The following RANBP10 variants were observed in gnomAD, a reference collection of about 807,000 sequenced individuals.
RANBP10 encodes the protein ran-binding protein 10.
Under a neutral mutation model 72.8 loss-of-function variants are expected in RANBP10, and 24 were observed. The observed-to-expected ratio is 0.33, with a 90% CI of 0.24 to 0.46. The LOEUF (loss-of-function observed/expected upper bound fraction) is 0.46. RANBP10 is among the 20% of genes least tolerant of loss of function. The pLI is 1.00. For missense variants in RANBP10, 679 were observed against 817.5 expected (o/e 0.83, Z 2.07); for synonymous variants, 310 against 322.3 (o/e 0.96, Z 0.41).
At chr16:67,733,232 G>T (rs987185793) in intron 6 of RANBP10, among the ~76,000 whole-genome samples, 1 of 151,800 alleles carries the variant, frequency 6.6e-6, no homozygotes, top group African/African-American at 2.4e-5. Flanking sequence ...CAGGTGTGGT[G>T]GTGCATGCCT....
chr16:67,806,471 G>A lies in RANBP10; in HGVS notation c.66C>T (p.Gly22=), dbSNP rs763086233. ...CAGGGGACGGCAGCCCGCCCCCAGC[G>A]CCCCCGCCGGAGGAGTCCCCAGGCT... is the stretch of plus-strand genomic sequence containing the variant. ...NPQPGDSSGG[G]AGGGLPSPGE... is the part of the protein sequence containing the mutation. The change falls in exon 1 of 14, where the codon GGC becomes GGT. Residue 22 remains glycine (G), a synonymous_variant. Coordinates refer to ENST00000317506, the MANE Select transcript of RANBP10 (RefSeq NM_020850.3). The A allele has an allele frequency of 2.4e-5, 37 of 1,553,184 alleles. 1 individual carries two copies. Among genetic ancestry groups the A allele is most frequent in the South Asian group, 2.3e-5 (2 of 85,964 alleles).
At chr16:67,764,538 A>T (rs1318973921) in intron 3 of RANBP10, among the ~76,000 whole-genome samples, 4 of 152,334 alleles carry the variant, frequency 2.6e-5, no homozygotes, top group African/African-American at 9.6e-5. Flanking sequence ...GGAACACTCT[A>T]GAGGCACACT....
chr16:67,782,613 C>A (rs2054833469), intron 2 of RANBP10, among the ~76,000 whole-genome samples: 2 of 151,788 alleles, frequency 1.3e-5, no homozygotes, highest in Non-Finnish European at 2.9e-5. Context: ...CTACCACACC[C>A]AGCTAATTTT....
intron 11 of RANBP10, 79 bp from the exon 12 acceptor site, chr16:67,727,975 C>A: frequency 6.6e-7 from 1 of 1,507,424 alleles, no homozygotes. Flanking sequence ...CAGGAAGGAC[C>A]CCGGGTGGGC....
At chr16:67,742,130 G>A (rs936494577) in intron 4 of RANBP10, among the ~76,000 whole-genome samples, 6 of 149,170 alleles carry the variant, frequency 4.0e-5, no homozygotes, top group African/African-American at 7.5e-5. Context: ...GGCTCATCTC[G>A]AACTCCTGGG....
In RANBP10 at chr16:67,725,091, T is replaced by G. The variant is rs554616737; in HGVS notation, c.*1337A>C. 6.5e-6 allele frequency: 1 copy of G among 152,782 alleles called. No homozygotes were observed. The highest frequency in any genetic ancestry group is 1.9e-4 in the East Asian group (1 of 5,186). 9.5% of individuals were successfully genotyped at this position (152,782 alleles called of 1,614,324 possible). ...ACTTTTACTCTGCCAGCTGTAAGGATCTATCTGAAACAGCTGGTGGGACAT... is the reference window on the plus strand; with the variant it reads ...ACTTTTACTCTGCCAGCTGTAAGGAGCTATCTGAAACAGCTGGTGGGACAT... On this transcript the variant is annotated 3_prime_UTR_variant, in exon 14 of 14. Coordinates refer to ENST00000317506, the MANE Select transcript of RANBP10 (RefSeq NM_020850.3).
intron 7 of RANBP10, 195 bp downstream of exon 7, chr16:67,731,277 G>A (rs2053724730): frequency 2.2e-5 from 12 of 544,650 alleles, no homozygotes; most frequent in African/African-American, 3.8e-5. Flanking sequence ...GCCCTGAGAC[G>A]TCTCCATCCT....
At position 67,806,373 on chromosome 16, in the gene RANBP10, C is replaced by A; in HGVS notation, c.164G>T (p.Arg55Leu). The A allele has an allele frequency of 6.2e-7, 1 of 1,612,878 alleles. No individual in the cohort carries two copies. Among genetic ancestry groups the A allele is most frequent in the Non-Finnish European group, 8.5e-7 (1 of 1,179,508 alleles). ...AVNQQETPLP[R>L]SWSPKDKYNY... is the part of the protein sequence containing the mutation. ...GTATTTGTCCTTGGGGCTCCAGGAG[C>A]GCGGCAGCGGAGTCTCTTGCTGGTT... Residue 55 changes from arginine to leucine, a missense_variant, in exon 1 of 14, where the codon CGC (arginine) becomes CTC (leucine). Transcript: ENST00000317506.
chr16:67,796,170 C>T (rs1289319063), intron 2 of RANBP10, among the ~76,000 whole-genome samples: 1 of 152,088 alleles, frequency 6.6e-6, no homozygotes, highest in Non-Finnish European at 1.5e-5. Flanking sequence ...CCTGCCTCGG[C>T]CTCCCAAAGC....
At chr16:67,778,737 A>G (rs1007940982) in intron 2 of RANBP10, among the ~76,000 whole-genome samples, 4 of 152,158 alleles carry the variant, frequency 2.6e-5, no homozygotes, top group African/African-American at 4.8e-5. Flanking sequence ...GAAGGTGTAC[A>G]TGTGGCCAGC....
chr16:67,802,427 CA>C (rs1456384905), intron 2 of RANBP10, among the ~76,000 whole-genome samples: 1 of 152,204 alleles, frequency 6.6e-6, no homozygotes, highest in African/African-American at 2.4e-5. Flanking sequence ...CACCTGAGGT[CA>C]GGAGTTCGAA....
intron 2 of RANBP10, among the ~76,000 whole-genome samples, chr16:67,773,666 G>A (rs1158410264): frequency 6.6e-6 from 1 of 152,190 alleles, no homozygotes; most frequent in African/African-American, 2.4e-5. Context: ...CCCAGCATAT[G>A]GCCCTGATAA....
chr16:67,772,477 GT>G (rs1270474403), intron 2 of RANBP10, among the ~76,000 whole-genome samples: 1 of 152,164 alleles, frequency 6.6e-6, no homozygotes, highest in Admixed American at 6.5e-5. Flanking sequence ...ATGCACGATT[GT>G]TCCACAGGGA....
rs61683439 is a variant in RANBP10, at chr16:67,785,731, C to CAAAAAAAAAAAAAAAAAAAAAAAAAAA, written c.348-13646_348-13645insTTTTTTTTTTTTTTTTTTTTTTTTTTT. Among the ~76,000 whole-genome samples, 95 of 71,710 alleles carry CAAAAAAAAAAAAAAAAAAAAAAAAAAA rather than the reference C, an allele frequency of 1.3e-3. 9 individuals carry two copies. Among genetic ancestry groups the CAAAAAAAAAAAAAAAAAAAAAAAAAAA allele is most frequent in the African/African-American group, 1.6e-3 (24 of 14,584 alleles). The allele number at this position is 71,710 out of a possible 152,430, so 47.0% of individuals were successfully genotyped here. On this transcript the variant is annotated intron_variant, in intron 2 of 13. Transcript: ENST00000317506. ...AAACAGAGTGAGTGAGACTCCATCT[C>CAAAAAAAAAAAAAAAAAAAAAAAAAAA]AAAAAAAAAAAAAAAGCCAGGCACA...
chr16:67,732,445 G>GT (rs1332750121), intron 6 of RANBP10, among the ~76,000 whole-genome samples: 1 of 152,174 alleles, frequency 6.6e-6, no homozygotes, highest in East Asian at 1.9e-4. Flanking sequence ...TGTCATTACT[G>GT]TAACTCTAAA....
In RANBP10 at chr16:67,772,200, T is replaced by C; in HGVS notation, c.348-114A>G. ...AGAAAAATGAGAAAAGCAATGAATG[T>C]AGAGGCTCTTATAACATACTAATGG... is the stretch of plus-strand genomic sequence containing the variant. On this transcript the variant is annotated intron_variant, in intron 2 of 13. Transcript: ENST00000317506. The C allele has an allele frequency of 7.1e-6, 8 of 1,125,216 alleles. No individual in the cohort carries two copies. In the Admixed American group the frequency reaches 7.4e-5, roughly 10 times the overall value. 69.7% of individuals were successfully genotyped at this position (1,125,216 alleles called of 1,614,324 possible).
chr16:67,797,752 A>C (rs1241054254), intron 2 of RANBP10, among the ~76,000 whole-genome samples: 1 of 152,104 alleles, frequency 6.6e-6, no homozygotes. Context: ...CGGAGGTTGC[A>C]GTGAGCCGAG....
At chr16:67,773,648 G>A (rs2054646462) in intron 2 of RANBP10, among the ~76,000 whole-genome samples, 1 of 152,152 alleles carries the variant, frequency 6.6e-6, no homozygotes, top group Admixed American at 6.6e-5. Flanking sequence ...AACAAGGAAA[G>A]GAAACAACCC....
chr16:67,804,475 CACT>C (rs2055296111), intron 2 of RANBP10, among the ~76,000 whole-genome samples: 1 of 151,870 alleles, frequency 6.6e-6, no homozygotes, highest in Non-Finnish European at 1.5e-5. Context: ...AATCTCAGCT[CACT>C]ACAACCTCCA....
Sources: gnomAD v4.1 joint callset for allele counts (sites outside exome capture counted in the v4.1 genomes callset) on GRCh38, gnomAD v4.1.1 for gene constraint, MANE v1.5 for transcripts, NCBI Gene and HGNC (gene_info 2026-07-23, HGNC 2026-07-21) for gene names.